BTBD9: variants seen among roughly 807,000 people sequenced by gnomAD.
BTBD9 encodes BTB/POZ domain-containing protein 9.
In BTBD9, 49 loss-of-function variants were observed where a neutral mutation model predicts 64.3. The ratio of observed to expected loss-of-function variants is 0.76; its 90% CI spans 0.61 to 0.97. The LOEUF (loss-of-function observed/expected upper bound fraction) is 0.97. Among genes scored for constraint, BTBD9 ranks in the 50% least tolerant of loss-of-function variants. The probability of loss-of-function intolerance (pLI) is 0.00; values close to 1 mark genes in which losing one functional copy is unlikely to be tolerated. For missense variants in BTBD9, 598 were observed against 762.1 expected (o/e 0.78, Z 2.53); for synonymous variants, 260 against 274.7 (o/e 0.95, Z 0.53).
chr6:38,601,257 T>C (rs1777230315), intron 1 of BTBD9, among the ~76,000 whole-genome samples: 1 of 152,232 alleles, frequency 6.6e-6, no homozygotes, highest in Admixed American at 6.5e-5. Flanking sequence ...AGAAAAAATT[T>C]ATTTAGGATA....
chr6:38,294,642 G>A (rs1762092443), intron 7 of BTBD9, among the ~76,000 whole-genome samples: 1 of 152,012 alleles, frequency 6.6e-6, no homozygotes. Flanking sequence ...TCACACACAG[G>A]GGCCTGTCAG....
chr6:38,314,901 G>C (rs1015324926), intron 7 of BTBD9, among the ~76,000 whole-genome samples: 9 of 152,160 alleles, frequency 5.9e-5, no homozygotes, highest in Non-Finnish European at 1.0e-4. Flanking sequence ...CCAGGCTGGA[G>C]TGCAGTGGCG....
At chr6:38,321,444 A>T (rs527781421) in intron 7 of BTBD9, among the ~76,000 whole-genome samples, 1 of 152,336 alleles carries the variant, frequency 6.6e-6, no homozygotes, top group South Asian at 2.1e-4. Flanking sequence ...ACTATTCTGA[A>T]GAAAGGCTAA....
At chr6:38,228,941 G>T (rs113684023) in intron 9 of BTBD9, among the ~76,000 whole-genome samples, 1 of 152,222 alleles carries the variant, frequency 6.6e-6, no homozygotes, top group East Asian at 1.9e-4. Context: ...GCTTACGCCT[G>T]TAATCCCAGC....
At chr6:38,317,227 C>T (rs1454971758) in intron 7 of BTBD9, among the ~76,000 whole-genome samples, 2 of 152,074 alleles carry the variant, frequency 1.3e-5, no homozygotes, top group Non-Finnish European at 2.9e-5. Flanking sequence ...GAACTCCTGA[C>T]CTCGTGATCT....
chr6:38,391,505 T>C (rs537393268), intron 6 of BTBD9, among the ~76,000 whole-genome samples: 1 of 152,334 alleles, frequency 6.6e-6, no homozygotes, highest in South Asian at 2.1e-4. Context: ...TAAGAACTAA[T>C]GTCAACAAAT....
In BTBD9 at chr6:38,321,499, G is replaced by A. The variant is rs1482890975; in HGVS notation, c.1264+23485C>T. Among the ~76,000 whole-genome samples, 11 of 152,276 alleles carry A rather than the reference G, an allele frequency of 7.2e-5. No homozygotes were observed. The South Asian group carries it at 1.7e-3, about 23-fold the overall frequency. ...GGGGAGGGAAGCAGCCCATCCATTC[G>A]GTGAAGGGATGACATTAAACTGGAC... On this transcript the variant is annotated intron_variant, in intron 7 of 10. Transcript: ENST00000481247.
Position 38,592,715 on chromosome 6 carries a change from C to T in BTBD9, c.675G>A (p.Val225=). The T allele has an allele frequency of 1.2e-6, 2 of 1,614,190 alleles. No individual in the cohort carries two copies. Among genetic ancestry groups the T allele is most frequent in the East Asian group, 2.2e-5 (1 of 44,884 alleles). ...KENHAEIMQA[V]RLPLMSLTEL... is the part of the protein sequence containing the mutation. ...CTGTGAGGCTCATGAGAGGTAAACG[C>T]ACAGCCTGCATGATTTCAGCATGAT... Residue 225 remains valine (V), a synonymous_variant, in exon 4 of 11, where the codon GTG becomes GTA. Transcript: ENST00000481247.
chr6:38,588,015 C>T lies in BTBD9; in HGVS notation c.814+4561G>A, dbSNP rs1414319455. On this transcript the variant is annotated intron_variant, in intron 4 of 10. Transcript: ENST00000481247. ...CCACCAGGAGTTCAGCCACAGCAACCACCATATACAGAAGCTAAGATACAA... is the reference window on the plus strand; with the variant it reads ...CCACCAGGAGTTCAGCCACAGCAACTACCATATACAGAAGCTAAGATACAA... 6.8e-6 allele frequency: 5 copies of T among 738,668 alleles called. No homozygotes were observed. In the African/African-American group the frequency reaches 8.6e-5, roughly 13 times the overall value. 45.8% of individuals were successfully genotyped at this position (738,668 alleles called of 1,614,324 possible).
At chr6:38,623,868 A>G (rs1778081950) in intron 1 of BTBD9, among the ~76,000 whole-genome samples, 1 of 152,290 alleles carries the variant, frequency 6.6e-6, no homozygotes, top group East Asian at 1.9e-4. Flanking sequence ...AACTTCTACC[A>G]AGGACCCCTG....
chr6:38,594,145 G>A lies in BTBD9; in HGVS notation c.368C>T (p.Pro123Leu), dbSNP rs867059281. ...CTCAGAGGTAGAATCCTCTAGCTCT[G>A]GAAATCCATATTTATGAGCCAGGCT... ...FLSLAHKYGF[P>L]ELEDSTSEYL... Residue 123 changes from proline (P) to leucine (L), a missense_variant, in exon 3 of 11, where the codon CCA becomes CTA. By Grantham distance (98) the Pro-to-Leu change is moderately conservative (BLOSUM62 -3). Transcript: ENST00000481247. 2.5e-6 allele frequency: 4 copies of A among 1,614,030 alleles called. No individual in the cohort carries two copies. In the African/African-American group the frequency reaches 5.3e-5, roughly 22 times the overall value.
rs141893866 is a variant in BTBD9 at position 38,258,055 on chromosome 6, G to A, written c.1455-1539C>T. ...GGCTGGAGTGTAATGGCGCGATCTC[G>A]GCTCATTGCAACCTCCGCCTCCCGG... On this transcript the variant is annotated intron_variant, in intron 8 of 10. Coordinates refer to ENST00000481247, the MANE Select transcript of BTBD9 (RefSeq NM_001099272.2). Among the ~76,000 whole-genome samples, 238 of 151,796 alleles carry A rather than the reference G, an allele frequency of 1.6e-3. 4 individuals are homozygous for A. The East Asian group carries it at 0.034, about 22-fold the overall frequency.
intron 6 of BTBD9, among the ~76,000 whole-genome samples, chr6:38,492,436 A>C (rs1771744666): frequency 6.6e-6 from 1 of 152,216 alleles, no homozygotes; most frequent in African/African-American, 2.4e-5. Context: ...ATAAAGTTCA[A>C]ATGGAGGAAA....
intron 7 of BTBD9, among the ~76,000 whole-genome samples, chr6:38,297,606 G>A (rs949075954): frequency 6.6e-6 from 1 of 151,938 alleles, no homozygotes; most frequent in Non-Finnish European, 1.5e-5. Flanking sequence ...CCTTTACATT[G>A]TCTACTATTT....
chr6:38,345,665 G>GC (rs1764251284), intron 6 of BTBD9, among the ~76,000 whole-genome samples: 1 of 152,172 alleles, frequency 6.6e-6, no homozygotes, highest in Admixed American at 6.5e-5. Context: ...ACTTACGCCA[G>GC]CCCCCCACTT....
chr6:38,494,722 C>T (rs768412174), intron 6 of BTBD9, among the ~76,000 whole-genome samples: 41 of 152,150 alleles, frequency 2.7e-4, no homozygotes, highest in Non-Finnish European at 4.4e-4. Context: ...TAAAATGGAT[C>T]CAAATATTTT....
At chr6:38,507,886 T>G (rs1309827825) in intron 6 of BTBD9, among the ~76,000 whole-genome samples, 1 of 145,222 alleles carries the variant, frequency 6.9e-6, no homozygotes, top group Non-Finnish European at 1.5e-5. Context: ...CAGGCTGGAG[T>G]GCAGTGGCGC....
chr6:38,374,300 T>TATATATATATATATAC (rs1562095388), intron 6 of BTBD9, among the ~76,000 whole-genome samples: 11 of 86,556 alleles, frequency 1.3e-4, no homozygotes, highest in African/African-American at 7.4e-4. Flanking sequence ...TATATATGTA[T>TATATATATATATATAC]ATATATGTAT....
chr6:38,557,675 CTA>C (rs1249043028), intron 6 of BTBD9, among the ~76,000 whole-genome samples: 1 of 152,140 alleles, frequency 6.6e-6, no homozygotes, highest in African/African-American at 2.4e-5. Flanking sequence ...TAGGATATCA[CTA>C]TGAGGACTCT....
Sources: gnomAD v4.1 joint callset for allele counts (sites outside exome capture counted in the v4.1 genomes callset) on GRCh38, gnomAD v4.1.1 for gene constraint, MANE v1.5 for transcripts, NCBI Gene and HGNC (gene_info 2026-07-23, HGNC 2026-07-21) for gene names.